Variants in PTPRD observed in about 807,000 individuals in gnomAD.
PTPRD encodes protein tyrosine phosphatase receptor type D, also known as receptor-type tyrosine-protein phosphatase delta.
Under a neutral mutation model 214.5 loss-of-function variants are expected in PTPRD, and 34 were observed. That is an observed-to-expected ratio of 0.16 (90% CI 0.12 to 0.21). The LOEUF is 0.21. Ranked by LOEUF, PTPRD falls within the 10% of genes least tolerant of loss-of-function variation. The pLI is 1.00. For synonymous variants in PTPRD, 1,128 were observed against 845.7 expected, an observed-to-expected ratio of 1.33 and a Z score of -5.79; for missense variants, 2,545 against 2,398.7, an observed-to-expected ratio of 1.06 and a Z score of -1.27.
intron 12 of PTPRD, among the ~76,000 whole-genome samples, chr9:8,637,329 G>A (rs964316033): frequency 8.5e-5 from 13 of 152,074 alleles, no homozygotes; most frequent in African/African-American, 2.7e-4. Context: ...AAGAAATATC[G>A]CCCTGAATTA....
intron 3 of PTPRD, among the ~76,000 whole-genome samples, chr9:10,201,268 G>C (rs904126172): frequency 2.0e-5 from 3 of 151,960 alleles, no homozygotes; most frequent in African/African-American, 7.2e-5. Context: ...TAGAAAATCT[G>C]ATAAGATAAA....
chr9:9,767,569 T>G (rs774842741), intron 5 of PTPRD, among the ~76,000 whole-genome samples: 1 of 152,112 alleles, frequency 6.6e-6, no homozygotes, highest in South Asian at 2.1e-4. Flanking sequence ...TATCTAAATC[T>G]GAGAACTCAC....
chr9:8,836,138 C>G (rs1449290994), intron 11 of PTPRD, among the ~76,000 whole-genome samples: 5 of 152,068 alleles, frequency 3.3e-5, no homozygotes, highest in Admixed American at 3.3e-4. Flanking sequence ...GCTGTATGCT[C>G]TATTATACAA....
intron 35 of PTPRD, among the ~76,000 whole-genome samples, chr9:8,410,162 A>G (rs1315598255): frequency 6.6e-6 from 1 of 152,250 alleles, no homozygotes; most frequent in African/African-American, 2.4e-5. Context: ...ACGTTTGCAT[A>G]GATGGGAAGG....
chr9:10,251,713 C>T (rs1178592336), intron 3 of PTPRD, among the ~76,000 whole-genome samples: 4 of 152,152 alleles, frequency 2.6e-5, no homozygotes, highest in Non-Finnish European at 5.9e-5. Flanking sequence ...TTATAGTTTC[C>T]TAATATGGCC....
intron 3 of PTPRD, among the ~76,000 whole-genome samples, chr9:10,064,994 A>G (rs2097848847): frequency 1.3e-5 from 2 of 152,036 alleles, no homozygotes; most frequent in Admixed American, 6.6e-5. Context: ...TTGAATTTTA[A>G]CATTTAATTA....
chr9:8,848,716 G>C (rs543451962), intron 11 of PTPRD, among the ~76,000 whole-genome samples: 3 of 151,972 alleles, frequency 2.0e-5, no homozygotes, highest in Non-Finnish European at 2.9e-5. Context: ...ACAAGAGTGA[G>C]GAGGTTAAGA....
chr9:10,556,052 A>G (rs2062505653), intron 2 of PTPRD, among the ~76,000 whole-genome samples: 1 of 152,268 alleles, frequency 6.6e-6, no homozygotes, highest in South Asian at 2.1e-4. Context: ...AGTTTTTAAA[A>G]CATAAATACC....
At chr9:9,965,786 C>T (rs1196050497) in intron 4 of PTPRD, among the ~76,000 whole-genome samples, 1 of 152,114 alleles carries the variant, frequency 6.6e-6, no homozygotes, top group Non-Finnish European at 1.5e-5. Context: ...AGTACTTATG[C>T]TACATTGTCA....
At chr9:10,399,643 T>C (rs2154495038) in intron 2 of PTPRD, among the ~76,000 whole-genome samples, 1 of 152,018 alleles carries the variant, frequency 6.6e-6, no homozygotes, top group African/African-American at 2.4e-5. Flanking sequence ...TACCTATACC[T>C]ATGTGGAGGC....
intron 11 of PTPRD, among the ~76,000 whole-genome samples, chr9:8,737,502 G>T (rs1598376743): frequency 6.6e-6 from 1 of 151,528 alleles, no homozygotes; most frequent in Non-Finnish European, 1.5e-5. Context: ...TTAATCTATA[G>T]TAAGGCTTGC....
At chr9:8,761,483 G>A (rs2094410845) in intron 11 of PTPRD, among the ~76,000 whole-genome samples, 1 of 152,112 alleles carries the variant, frequency 6.6e-6, no homozygotes, top group African/African-American at 2.4e-5. Context: ...GATGGAGAGA[G>A]CAAGCAAGCT....
intron 2 of PTPRD, among the ~76,000 whole-genome samples, chr9:10,374,510 T>A (rs1598403775): frequency 6.6e-6 from 1 of 152,124 alleles, no homozygotes; most frequent in East Asian, 1.9e-4. Context: ...GGAATAACTG[T>A]CTCTTTCCTG....
chr9:8,529,295 ATC>A (rs1331802721), intron 14 of PTPRD, among the ~76,000 whole-genome samples: 1 of 152,060 alleles, frequency 6.6e-6, no homozygotes, highest in African/African-American at 2.4e-5. Context: ...AGGTCACGCT[ATC>A]TGTTTCAAAG....
At chr9:10,349,901 G>A (rs10738161) in intron 2 of PTPRD, among the ~76,000 whole-genome samples, 57,721 of 151,866 alleles carry the variant, frequency 0.38, 11,067 homozygotes, top group African/African-American at 0.43. Context: ...ACCTCAGGTG[G>A]TCGGCCCACC....
intron 5 of PTPRD, among the ~76,000 whole-genome samples, 163 bp from the exon 6 acceptor site, chr9:9,767,014 T>C (rs1280403092): frequency 6.6e-6 from 1 of 151,932 alleles, no homozygotes; most frequent in Non-Finnish European, 1.5e-5. Context: ...TCTTTTTTTT[T>C]TAATTAAAGC....
At chr9:9,477,279 A>C (rs2095123132) in intron 8 of PTPRD, among the ~76,000 whole-genome samples, 2 of 152,166 alleles carry the variant, frequency 1.3e-5, no homozygotes, top group South Asian at 4.1e-4. Flanking sequence ...CTTGCCTCTA[A>C]CCGTAAAGGT....
At chr9:10,393,587 T>G (rs574199131) in intron 2 of PTPRD, among the ~76,000 whole-genome samples, 1 of 150,182 alleles carries the variant, frequency 6.7e-6, no homozygotes, top group Non-Finnish European at 1.5e-5. Flanking sequence ...GACCAGGAGT[T>G]CAAGGCTAGT....
chr9:9,066,302 T>C (rs894651345), intron 10 of PTPRD, among the ~76,000 whole-genome samples: 1 of 152,154 alleles, frequency 6.6e-6, no homozygotes, highest in Non-Finnish European at 1.5e-5. Flanking sequence ...CAGGCATTTT[T>C]TTTTCATGAG....
Sources: allele counts gnomAD v4.1 joint callset (sites outside exome capture counted in the v4.1 genomes callset), GRCh38; gene constraint gnomAD v4.1.1; transcripts MANE v1.5; gene names NCBI Gene and HGNC (gene_info 2026-07-23, HGNC 2026-07-21).